Variants in PDE5A observed in about 807,000 individuals in gnomAD.
PDE5A encodes the protein phosphodiesterase 5A.
A neutral mutation model predicts 110.2 loss-of-function variants in PDE5A; 67 were observed. The ratio of observed to expected loss-of-function variants is 0.61; its 90% CI spans 0.50 to 0.75. The LOEUF (loss-of-function observed/expected upper bound fraction) is 0.75. PDE5A is among the 30% of genes least tolerant of loss of function. PDE5A has a pLI of 0.00. For synonymous variants in PDE5A, 328 were observed against 351.2 expected, an observed-to-expected ratio of 0.93 and a Z score of 0.74; for missense variants, 862 against 1,045.1, an observed-to-expected ratio of 0.82 and a Z score of 2.42.
At chr4:119,578,695 G>C (rs1191165664) in intron 3 of PDE5A, among the ~76,000 whole-genome samples, 8 of 152,146 alleles carry the variant, frequency 5.3e-5, no homozygotes, top group African/African-American at 1.9e-4. Context: ...ATTCAAGATA[G>C]ATTAAAGACT....
rs1197427059 is a variant in PDE5A, at chr4:119,622,864, G to A, written c.152+5656C>T. ...GGGTAACAGAGCAATACTCCGTCTC[G>A]AAAAAAAAAAAAAGAAAGAAAGAAA... On this transcript the variant is annotated intron_variant, in intron 1 of 20. Transcript: ENST00000354960. 1.1e-3 allele frequency among the ~76,000 whole-genome samples: 105 copies of A among 97,260 alleles called. 1 individual carries two copies. The highest frequency in any genetic ancestry group is 1.6e-3 in the East Asian group (6 of 3,684). 63.8% of individuals were successfully genotyped at this position (97,260 alleles called of 152,430 possible). A position where few individuals can be genotyped will look rare whatever the true frequency, so the allele number is the denominator to read the frequency against.
chr4:119,596,667 G>GCC, intron 2 of PDE5A, 55 bp from the exon 3 acceptor site: 1 of 971,056 alleles, frequency 1.0e-6, no homozygotes, highest in Non-Finnish European at 1.6e-6. Context: ...AGATTGATTT[G>GCC]ATTTTTCTGA....
In PDE5A at chr4:119,525,447, T is replaced by C. The variant is rs1726278425; in HGVS notation, c.1779+102A>G. 3.6e-6 allele frequency: 4 copies of C among 1,112,594 alleles called. No individual in the cohort carries two copies. The highest frequency in any genetic ancestry group is 5.1e-6 in the Non-Finnish European group (4 of 783,686). The allele number at this position is 1,112,594 out of a possible 1,614,324, so 68.9% of individuals were successfully genotyped here. ...TGACAGTATATTAATCACTAAAATG[T>C]AAAAATCCCTATTCCATATTTGCAT... On this transcript the variant is annotated intron_variant, in intron 12 of 20. Coordinates refer to ENST00000354960, the MANE Select transcript of PDE5A (RefSeq NM_001083.4). This position sits in a 1 kb window ranked among gnomAD's most constrained non-coding sequence, Gnocchi z 4.3.
At chr4:119,610,973 T>C in intron 1 of PDE5A, among the ~76,000 whole-genome samples, 1 of 152,198 alleles carries the variant, frequency 6.6e-6, no homozygotes, top group African/African-American at 2.4e-5. Flanking sequence ...ACTTGGCTTT[T>C]CATTGAACTG....
Position 119,628,505 on chromosome 4 carries a change from G to T in PDE5A, c.152+15C>A. On this transcript the variant is annotated intron_variant, in intron 1 of 20. Coordinates refer to ENST00000354960, the MANE Select transcript of PDE5A (RefSeq NM_001083.4). ...GAGAAATCAGCCCCGGGTCTTCCGT[G>T]GGTCCTCTTCTTACCTGGTGGCTTT... The T allele has an allele frequency of 6.5e-7, 1 of 1,547,198 alleles. No individual in the cohort carries two copies. The highest frequency in any genetic ancestry group is 8.8e-7 in the Non-Finnish European group (1 of 1,140,818).
At chr4:119,607,346 G>C in intron 1 of PDE5A, 49 bp from the exon 2 acceptor site, 1 of 1,208,546 alleles carries the variant, frequency 8.3e-7, no homozygotes, top group Non-Finnish European at 1.2e-6. Flanking sequence ...GAGGAAGGGT[G>C]CTATGCCTGA....
intron 1 of PDE5A, among the ~76,000 whole-genome samples, chr4:119,626,919 A>AAAAACAAAACAAAAC (rs3839163): frequency 6.6e-6 from 1 of 151,182 alleles, no homozygotes; most frequent in African/African-American, 2.4e-5. Context: ...TCCTTAGGAA[A>AAAAACAAAACAAAAC]AAAACAAAAC....
At chr4:119,595,753 T>A (rs572769002) in intron 3 of PDE5A, among the ~76,000 whole-genome samples, 1 of 152,336 alleles carries the variant, frequency 6.6e-6, no homozygotes, top group East Asian at 1.9e-4. Flanking sequence ...TGGCAGACTG[T>A]GGGACCTCTT....
intron 7 of PDE5A, among the ~76,000 whole-genome samples, chr4:119,555,882 A>C (rs1278562010): frequency 6.6e-6 from 1 of 152,316 alleles, no homozygotes; most frequent in South Asian, 2.1e-4. Flanking sequence ...AGATTTATTA[A>C]AGTTACATGA....
At chr4:119,556,732 A>G (rs1037750631) in intron 7 of PDE5A, among the ~76,000 whole-genome samples, 52 of 152,254 alleles carry the variant, frequency 3.4e-4, no homozygotes, top group African/African-American at 1.1e-3. Context: ...TTTTTAAAGG[A>G]GAGACATCAG....
chr4:119,515,334 G>T (rs1472550576), intron 14 of PDE5A, among the ~76,000 whole-genome samples: 2 of 152,014 alleles, frequency 1.3e-5, no homozygotes, highest in African/African-American at 4.8e-5. Context: ...GCCAGACCAT[G>T]ACTTCAGCTC....
chr4:119,568,047 A>G (rs1176055535), intron 3 of PDE5A, among the ~76,000 whole-genome samples: 1 of 152,244 alleles, frequency 6.6e-6, no homozygotes, highest in East Asian at 1.9e-4. Flanking sequence ...AAAAAGATAT[A>G]AAATTCTCCT....
At chr4:119,609,294 C>T (rs2389884) in intron 1 of PDE5A, among the ~76,000 whole-genome samples, 143,742 of 152,340 alleles carry the variant, frequency 0.94, 67,881 homozygotes, top group Admixed American at 0.97. Flanking sequence ...ACGTTTGCTA[C>T]AGCAGATAAG....
At chr4:119,554,163 T>C (rs145862187) in intron 7 of PDE5A, among the ~76,000 whole-genome samples, 31 of 152,268 alleles carry the variant, frequency 2.0e-4, no homozygotes, top group Middle Eastern at 3.4e-3. Context: ...CTTACACATT[T>C]TAAGACCAAG....
At chr4:119,617,279 A>G (rs1398390571) in intron 1 of PDE5A, among the ~76,000 whole-genome samples, 1 of 152,148 alleles carries the variant, frequency 6.6e-6, no homozygotes, top group African/African-American at 2.4e-5. Flanking sequence ...CCCTCTATCT[A>G]GAAGTATTAA....
At chr4:119,517,434 C>A (rs1454460907) in intron 14 of PDE5A, among the ~76,000 whole-genome samples, 1 of 150,982 alleles carries the variant, frequency 6.6e-6, no homozygotes, top group Non-Finnish European at 1.5e-5. Context: ...CTGGAAAATT[C>A]TTGGTTTCCT....
chr4:119,593,622 T>G (rs1024845626), intron 3 of PDE5A, among the ~76,000 whole-genome samples: 1 of 152,168 alleles, frequency 6.6e-6, no homozygotes, highest in Non-Finnish European at 1.5e-5. Context: ...AGGGGAACAT[T>G]TGAAGTGACA....
intron 3 of PDE5A, among the ~76,000 whole-genome samples, chr4:119,569,214 A>T (rs1179400524): frequency 6.6e-5 from 10 of 151,710 alleles, no homozygotes. Flanking sequence ...AATTTTAAAA[A>T]TTTTTTTGTA....
intron 3 of PDE5A, among the ~76,000 whole-genome samples, chr4:119,568,492 C>T (rs901045304): frequency 1.3e-5 from 2 of 152,080 alleles, no homozygotes; most frequent in Non-Finnish European, 2.9e-5. Flanking sequence ...GTGCCTATTA[C>T]GTACCAAAAA....
Sources: allele counts gnomAD v4.1 joint callset (sites outside exome capture counted in the v4.1 genomes callset), GRCh38; gene constraint gnomAD v4.1.1; non-coding constraint Gnocchi (gnomAD v3.1); transcripts MANE v1.5; gene names NCBI Gene and HGNC (gene_info 2026-07-23, HGNC 2026-07-21).